Variants in RIMBP2 observed in about 807,000 individuals in gnomAD.
The protein encoded by RIMBP2 is RIMS binding protein 2, also known as RIMS-binding protein 2.
Under a neutral mutation model 118.6 loss-of-function variants are expected in RIMBP2, and 48 were observed. That is an observed-to-expected ratio of 0.40 (90% CI 0.32 to 0.51). RIMBP2 has a LOEUF of 0.51. RIMBP2 is among the 20% of genes least tolerant of loss of function. The pLI, the probability that RIMBP2 is intolerant of heterozygous loss-of-function variation, is 0.41. For synonymous variants in RIMBP2, 762 were observed against 742.9 expected, an observed-to-expected ratio of 1.03 and a Z score of -0.42; for missense variants, 1,551 against 1,768.3, an observed-to-expected ratio of 0.88 and a Z score of 2.20.
chr12:130,449,637 C>T (rs1357784286), intron 9 of RIMBP2, among the ~76,000 whole-genome samples: 1 of 152,102 alleles, frequency 6.6e-6, no homozygotes, highest in African/African-American at 2.4e-5. Context: ...CATGGACCAA[C>T]CCCTGCACCT....
At chr12:130,451,421 G>A in intron 7 of RIMBP2, 81 bp from the exon 8 acceptor site, 3 of 1,440,090 alleles carry the variant, frequency 2.1e-6, no homozygotes, top group Non-Finnish European at 2.8e-6. Context: ...CCTACCCGGG[G>A]TGCCTTTCCC....
intron 2 of RIMBP2, among the ~76,000 whole-genome samples, chr12:130,556,156 T>G (rs1256366210): frequency 6.6e-6 from 1 of 152,146 alleles, no homozygotes; most frequent in Non-Finnish European, 1.5e-5. Flanking sequence ...ATGCAGAGTT[T>G]TGTTGTTCTG....
chr12:130,651,689 C>T (rs891737426), intron 1 of RIMBP2, among the ~76,000 whole-genome samples: 41 of 152,168 alleles, frequency 2.7e-4, no homozygotes, highest in Admixed American at 2.6e-3. Flanking sequence ...AAAGAACCAG[C>T]CCTTTGTGAG....
At chr12:130,574,806 C>A (rs1244434995) in intron 2 of RIMBP2, among the ~76,000 whole-genome samples, 1 of 152,028 alleles carries the variant, frequency 6.6e-6, no homozygotes, top group African/African-American at 2.4e-5. Flanking sequence ...CCGTCACCCA[C>A]TGCTTGCCAA....
In RIMBP2 at chr12:130,434,584, T is replaced by G; in HGVS notation, c.2253+150A>C. 5 of 782,680 alleles carry G rather than the reference T, an allele frequency of 6.4e-6. No homozygotes were observed. The highest frequency in any genetic ancestry group is 9.9e-6 in the Non-Finnish European group (5 of 503,780). The allele number at this position is 782,680 out of a possible 1,614,324, so 48.5% of individuals were successfully genotyped here. On this transcript the variant is annotated intron_variant, in intron 14 of 22. Coordinates refer to ENST00000690449, the MANE Select transcript of RIMBP2 (RefSeq NM_001393629.1). The surrounding 1 kb of genome is among the most constrained non-coding windows in gnomAD (Gnocchi z 5.7). ...GCATTAAATATAAACTTCAGAAACCTAGCACGACTTAGGACCCCAGCTGGG... is the reference window on the plus strand; with the variant it reads ...GCATTAAATATAAACTTCAGAAACCGAGCACGACTTAGGACCCCAGCTGGG...
chr12:130,604,884 T>C (rs1326918351), intron 2 of RIMBP2, among the ~76,000 whole-genome samples: 2 of 151,208 alleles, frequency 1.3e-5, no homozygotes, highest in African/African-American at 4.9e-5. Context: ...GCCCGGCCTC[T>C]TTCTCTTATC....
At chr12:130,455,774 C>G (rs2079385411) in intron 7 of RIMBP2, among the ~76,000 whole-genome samples, 1 of 151,902 alleles carries the variant, frequency 6.6e-6, no homozygotes, top group African/African-American at 2.4e-5. Context: ...TTTTTTTAAA[C>G]CAACTTCTTA....
At chr12:130,582,338 T>C (rs1220633002) in intron 2 of RIMBP2, among the ~76,000 whole-genome samples, 1 of 152,204 alleles carries the variant, frequency 6.6e-6, no homozygotes, top group African/African-American at 2.4e-5. Flanking sequence ...TGAATCTTGT[T>C]TCCTTCATTT....
intron 2 of RIMBP2, among the ~76,000 whole-genome samples, chr12:130,604,313 A>C (rs2060041303): frequency 6.6e-6 from 1 of 151,060 alleles, no homozygotes; most frequent in Non-Finnish European, 1.5e-5. Flanking sequence ...AAAAAACCTC[A>C]CAGTAAGCTA....
chr12:130,595,322 G>A (rs2059490126), intron 2 of RIMBP2, among the ~76,000 whole-genome samples: 1 of 151,992 alleles, frequency 6.6e-6, no homozygotes, highest in African/African-American at 2.4e-5. Flanking sequence ...ACTTTGGGAG[G>A]CCGAGATGGG....
At chr12:130,678,681 C>A (rs1193692004) in intron 1 of RIMBP2, among the ~76,000 whole-genome samples, 1 of 152,204 alleles carries the variant, frequency 6.6e-6, no homozygotes, top group East Asian at 1.9e-4. Context: ...CCATGCCCAG[C>A]TAATTTTTGT....
chr12:130,707,851 C>G (rs1949612682), intron 1 of RIMBP2, among the ~76,000 whole-genome samples: 1 of 152,064 alleles, frequency 6.6e-6, no homozygotes, highest in Non-Finnish European at 1.5e-5. Context: ...ATGTAGGCAA[C>G]AGCTAGATAG....
chr12:130,709,051 A>G (rs1392397270), intron 1 of RIMBP2, among the ~76,000 whole-genome samples: 4 of 152,266 alleles, frequency 2.6e-5, no homozygotes, highest in African/African-American at 9.6e-5. Flanking sequence ...TCATGCATGT[A>G]ACCGAGGAAG....
chr12:130,428,757 CAG>C (rs758560965), intron 14 of RIMBP2: 44 of 157,414 alleles, frequency 2.8e-4, no homozygotes, highest in Non-Finnish European at 5.3e-4. Flanking sequence ...AGCATTGTGT[CAG>C]AGAGGCAGGG....
At chr12:130,640,314 C>T (rs867279596) in intron 1 of RIMBP2, among the ~76,000 whole-genome samples, 11 of 152,168 alleles carry the variant, frequency 7.2e-5, no homozygotes, top group Middle Eastern at 3.2e-3. Flanking sequence ...TCATCTTACA[C>T]GAAAATTAAT....
intron 3 of RIMBP2, among the ~76,000 whole-genome samples, chr12:130,510,094 C>A (rs1004501134): frequency 9.2e-5 from 14 of 152,214 alleles, no homozygotes; most frequent in African/African-American, 3.4e-4. Context: ...CAAGAACAGA[C>A]AACCTCCAAC....
intron 1 of RIMBP2, among the ~76,000 whole-genome samples, chr12:130,680,945 T>C (rs2064754332): frequency 6.6e-6 from 1 of 152,222 alleles, no homozygotes; most frequent in Admixed American, 6.5e-5. Context: ...AGCTGAACCC[T>C]GGAGAAATCT....
intron 2 of RIMBP2, among the ~76,000 whole-genome samples, chr12:130,624,469 C>G (rs533323165): frequency 2.0e-5 from 3 of 151,756 alleles, no homozygotes; most frequent in Admixed American, 2.0e-4. Flanking sequence ...TACACCAAGA[C>G]GTGTGTGTGT....
chr12:130,431,476 A>C lies in RIMBP2; in HGVS notation c.2254-3139T>G, dbSNP rs1488181645. The stretch of plus-strand genomic sequence containing the variant: ...TATGATTAATGAATGTATTCTTTGA[A>C]TTGAATCAATATTTAACGTTACTTT... On this transcript the variant is annotated intron_variant, in intron 14 of 22. Transcript: ENST00000690449. The surrounding 1 kb of genome is among the most constrained non-coding windows in gnomAD (Gnocchi z 4.0). 2.6e-6 allele frequency: 1 copy of C among 389,692 alleles called. No homozygotes were observed. Among genetic ancestry groups the C allele is most frequent in the East Asian group, 7.5e-5 (1 of 13,292 alleles). The allele number at this position is 389,692 out of a possible 1,614,324, so 24.1% of individuals were successfully genotyped here.
Sources: allele counts gnomAD v4.1 joint callset (sites outside exome capture counted in the v4.1 genomes callset), GRCh38; gene constraint gnomAD v4.1.1; non-coding constraint Gnocchi (gnomAD v3.1); transcripts MANE v1.5; gene names NCBI Gene and HGNC (gene_info 2026-07-23, HGNC 2026-07-21).